Variants in ADCY9 observed in about 807,000 individuals in gnomAD.
ADCY9 encodes adenylate cyclase type 9.
In ADCY9, 50 loss-of-function variants were observed where a neutral mutation model predicts 101.5. That is an observed-to-expected ratio of 0.49 (90% CI 0.39 to 0.62). ADCY9 has a LOEUF of 0.62. Among genes scored for constraint, ADCY9 ranks in the 20% least tolerant of loss-of-function variants. The probability of loss-of-function intolerance (pLI) is 0.00; values close to 1 mark genes in which losing one functional copy is unlikely to be tolerated. For missense variants in ADCY9, 1,662 were observed against 1,800.4 expected (o/e 0.92, Z 1.39); for synonymous variants, 905 against 769.3 (o/e 1.18, Z -2.92).
At chr16:4,112,553 CACTATTACTTCTGCCGTCTCTGATTGAA>C (rs1381188424) in intron 2 of ADCY9, among the ~76,000 whole-genome samples, 5 of 152,010 alleles carry the variant, frequency 3.3e-5, no homozygotes, top group Non-Finnish European at 5.9e-5. Context: ...CTCTGACTGA[CACTATTACTTCTGCCGTCTCTGATTGAA>C]ACTATTACTT....
At chr16:3,994,569 C>T (rs756219166) in intron 3 of ADCY9, among the ~76,000 whole-genome samples, 1 of 152,214 alleles carries the variant, frequency 6.6e-6, no homozygotes, top group Non-Finnish European at 1.5e-5. Flanking sequence ...GATTCTCCTG[C>T]CTCAGCCTCC....
chr16:3,992,231 C>A lies in ADCY9; in HGVS notation c.2122G>T (p.Asp708Tyr). 1 of 1,614,170 alleles carries A rather than the reference C, an allele frequency of 6.2e-7. No homozygotes were observed. Among genetic ancestry groups the A allele is most frequent in the Non-Finnish European group, 8.5e-7 (1 of 1,180,024 alleles). ...EKGRWAGVSL[D>Y]QSALLPLRFK... ...CTCAGCGGAAGGAGAGCCGACTGGT[C>A]CAGGCTCACCCCTGCCCACCTTCCC... is the stretch of plus-strand genomic sequence containing the variant. The change falls in exon 5 of 11, where the codon GAC (aspartate) becomes TAC (tyrosine). Residue 708 changes from aspartate (D) to tyrosine (Y), a missense_variant. Transcript: ENST00000294016. This position sits in a 1 kb window ranked among gnomAD's most constrained non-coding sequence, Gnocchi z 4.2.
chr16:4,097,554 T>TATATATATATATATA (rs1491239469), intron 2 of ADCY9, among the ~76,000 whole-genome samples: 12 of 24,148 alleles, frequency 5.0e-4, no homozygotes, highest in African/African-American at 3.1e-3. Context: ...TATATATATA[T>TATATATATATATATA]TTTTTTTTTT....
At chr16:4,054,426 G>T (rs568409202) in intron 2 of ADCY9, among the ~76,000 whole-genome samples, 1 of 152,172 alleles carries the variant, frequency 6.6e-6, no homozygotes, top group East Asian at 1.9e-4. Flanking sequence ...CGCAGGGCTC[G>T]GTTCTGAAAT....
At chr16:3,968,986 C>G (rs2141673704) in intron 10 of ADCY9, among the ~76,000 whole-genome samples, 1 of 152,242 alleles carries the variant, frequency 6.6e-6, no homozygotes, top group African/African-American at 2.4e-5. Flanking sequence ...GCTCGGACTA[C>G]AGGTGCACGC....
chr16:4,097,503 A>C (rs1436387759), intron 2 of ADCY9, among the ~76,000 whole-genome samples: 2 of 84,312 alleles, frequency 2.4e-5, no homozygotes, highest in African/African-American at 4.0e-5. Flanking sequence ...CACACACACT[A>C]TATATATGTA....
chr16:4,008,984 A>G (rs1299447784), intron 2 of ADCY9, among the ~76,000 whole-genome samples: 1 of 152,162 alleles, frequency 6.6e-6, no homozygotes, highest in Admixed American at 6.5e-5. Flanking sequence ...ATATTTGGTC[A>G]GCGCTTTAAA....
At chr16:4,042,848 T>A (rs2056636465) in intron 2 of ADCY9, among the ~76,000 whole-genome samples, 1 of 152,232 alleles carries the variant, frequency 6.6e-6, no homozygotes, top group Non-Finnish European at 1.5e-5. Context: ...GATTCCGGTT[T>A]TGGTCTGCTA....
At chr16:4,107,450 C>T (rs1434440750) in intron 2 of ADCY9, among the ~76,000 whole-genome samples, 2 of 145,628 alleles carry the variant, frequency 1.4e-5, no homozygotes, top group Non-Finnish European at 3.0e-5. Context: ...ATTTGGGAGG[C>T]TGAGGCAGGA....
intron 2 of ADCY9, among the ~76,000 whole-genome samples, chr16:4,014,468 G>A (rs1180393080): frequency 2.0e-5 from 3 of 150,874 alleles, no homozygotes; most frequent in Non-Finnish European, 4.4e-5. Context: ...TTTTTTTTGA[G>A]ACAGAGTCTT....
chr16:4,042,379 A>T (rs867945198), intron 2 of ADCY9, among the ~76,000 whole-genome samples: 1 of 152,142 alleles, frequency 6.6e-6, no homozygotes, highest in Admixed American at 6.6e-5. Context: ...TTCATTTCTA[A>T]AAAGAGAGGA....
chr16:4,055,744 G>C (rs2056733620), intron 2 of ADCY9, among the ~76,000 whole-genome samples: 1 of 152,054 alleles, frequency 6.6e-6, no homozygotes, highest in Non-Finnish European at 1.5e-5. Flanking sequence ...TGAGGCAGGA[G>C]AACGGCATGA....
At chr16:3,988,706 G>C (rs548606615) in intron 6 of ADCY9, among the ~76,000 whole-genome samples, 1 of 151,190 alleles carries the variant, frequency 6.6e-6, no homozygotes, top group African/African-American at 2.4e-5. Flanking sequence ...GGTTGTGGTG[G>C]GGGGGCCCCT....
At chr16:4,053,074 A>G (rs1360229276) in intron 2 of ADCY9, among the ~76,000 whole-genome samples, 1 of 152,232 alleles carries the variant, frequency 6.6e-6, no homozygotes, top group Non-Finnish European at 1.5e-5. Context: ...ATGTTTTGAC[A>G]TGTCACACGT....
At chr16:3,967,972 T>C (rs972558478) in intron 10 of ADCY9, among the ~76,000 whole-genome samples, 3 of 152,150 alleles carry the variant, frequency 2.0e-5, no homozygotes, top group Non-Finnish European at 4.4e-5. Flanking sequence ...ATTACAGGTG[T>C]GAGCCACTGC....
chr16:4,019,552 A>T (rs922550406), intron 2 of ADCY9, among the ~76,000 whole-genome samples: 2 of 152,236 alleles, frequency 1.3e-5, no homozygotes, highest in African/African-American at 2.4e-5. Context: ...ACAAACGGAG[A>T]GCTAGCTCAT....
intron 2 of ADCY9, among the ~76,000 whole-genome samples, chr16:4,008,020 G>A (rs1210232642): frequency 6.6e-6 from 1 of 151,992 alleles, no homozygotes; most frequent in Non-Finnish European, 1.5e-5. Flanking sequence ...CTGTGTCAGA[G>A]GCTGCAAAAC....
chr16:3,968,703 C>T (rs979708091), intron 10 of ADCY9, among the ~76,000 whole-genome samples: 1 of 152,124 alleles, frequency 6.6e-6, no homozygotes, highest in Non-Finnish European at 1.5e-5. Context: ...CTTTTCTTAC[C>T]ACAAACAGTG....
Position 3,966,944 on chromosome 16 carries a change from T to C in ADCY9, c.2893A>G (p.Ser965Gly), listed in dbSNP as rs1335425544. ...NFSSERNPCN[S>G]SVPRDLRRPA... ...CGCCGGAGGTCACGCGGCACCGAACTATTGCACGGGTTCCTCTCGGAACTG... is the reference window on the plus strand; with the variant it reads ...CGCCGGAGGTCACGCGGCACCGAACCATTGCACGGGTTCCTCTCGGAACTG... The change falls in exon 11 of 11, where the codon AGT becomes GGT. Residue 965 changes from serine (S) to glycine (G), a missense_variant. Around this residue, in one of 5 missense-constraint regions of ADCY9, gnomAD observed 624 missense variants for 639.1 expected, o/e 0.98. Transcript: ENST00000294016. 1 of 1,612,926 alleles carries C rather than the reference T, an allele frequency of 6.2e-7. No homozygotes were observed. Among genetic ancestry groups the C allele is most frequent in the South Asian group, 1.1e-5 (1 of 91,044 alleles).
Sources: gnomAD v4.1 joint callset for allele counts (sites outside exome capture counted in the v4.1 genomes callset) on GRCh38, gnomAD v4.1.1 for gene constraint, gnomAD v4.1.1 regional missense constraint, Gnocchi (gnomAD v3.1) non-coding constraint, MANE v1.5 for transcripts, NCBI Gene and HGNC (gene_info 2026-07-23, HGNC 2026-07-21) for gene names.